The following NUBPL variants were observed in gnomAD, a reference collection of about 807,000 sequenced individuals.
NUBPL encodes the protein NUBP iron-sulfur cluster assembly factor, mitochondrial, also known as iron-sulfur cluster transfer protein NUBPL.
NUBPL carries 31 observed loss-of-function variants against 45.7 expected under a neutral mutation model. The observed-to-expected ratio is 0.68, with a 90% CI of 0.51 to 0.92. The LOEUF (loss-of-function observed/expected upper bound fraction) is 0.92, where lower values mean the gene tolerates loss of function less well. NUBPL is among the 40% of genes least tolerant of loss of function. NUBPL has a pLI of 0.00. For synonymous variants in NUBPL, 144 were observed against 140.9 expected, an observed-to-expected ratio of 1.02 and a Z score of -0.15; for missense variants, 401 against 398.7, an observed-to-expected ratio of 1.01 and a Z score of -0.05.
chr14:31,767,128 T>C (rs1227333071), intron 6 of NUBPL, among the ~76,000 whole-genome samples: 9 of 152,222 alleles, frequency 5.9e-5, no homozygotes, highest in Non-Finnish European at 1.0e-4. Flanking sequence ...GAGCTCTTTT[T>C]AAAAAATCCA....
In NUBPL at chr14:31,826,608, AT is replaced by A. The variant is rs1255181165; in HGVS notation, c.608-17del. ...CCATAGAGAATTAAAAGATAATAGT[AT>A]TTTGTTTATCTTTGGCTAGGTGCTG... On this transcript the variant is annotated intron_variant, in intron 7 of 10. Transcript: ENST00000281081. The A allele has an allele frequency of 1.2e-6, 2 of 1,606,100 alleles. No homozygotes were observed. The highest frequency in any genetic ancestry group is 1.7e-6 in the Non-Finnish European group (2 of 1,172,866).
intron 3 of NUBPL, among the ~76,000 whole-genome samples, chr14:31,581,205 T>C (rs1013491817): frequency 1.4e-5 from 2 of 138,466 alleles, no homozygotes; most frequent in Admixed American, 1.4e-4. Context: ...GATGGTTCTT[T>C]TTTTTTTTTT....
intron 6 of NUBPL, among the ~76,000 whole-genome samples, chr14:31,675,136 C>CAA (rs373044954): frequency 3.8e-4 from 42 of 111,892 alleles, no homozygotes; most frequent in African/African-American, 9.9e-4. Flanking sequence ...GACTCCGTCT[C>CAA]AAAAAAAAAA....
chr14:31,638,627 T>C (rs2035582022), intron 4 of NUBPL, among the ~76,000 whole-genome samples: 1 of 152,190 alleles, frequency 6.6e-6, no homozygotes, highest in Non-Finnish European at 1.5e-5. Context: ...TGAATGTGAA[T>C]GTTGGCCTGC....
At chr14:31,792,788 T>C (rs189066610) in intron 7 of NUBPL, among the ~76,000 whole-genome samples, 6 of 152,300 alleles carry the variant, frequency 3.9e-5, no homozygotes, top group African/African-American at 1.4e-4. Flanking sequence ...TCTATGTGTG[T>C]GTTAAAGCCT....
chr14:31,718,280 G>A (rs1421689789), intron 6 of NUBPL, among the ~76,000 whole-genome samples: 1 of 152,116 alleles, frequency 6.6e-6, no homozygotes, highest in Non-Finnish European at 1.5e-5. Context: ...TAGACTTGGG[G>A]CTGTTTACAA....
At chr14:31,699,272 T>C (rs1279639008) in intron 6 of NUBPL, among the ~76,000 whole-genome samples, 4 of 152,362 alleles carry the variant, frequency 2.6e-5, no homozygotes, top group Non-Finnish European at 5.9e-5. Context: ...CTAAATGTGG[T>C]GTATTAATTA....
At chr14:31,580,511 A>AG (rs1224668974) in intron 3 of NUBPL, among the ~76,000 whole-genome samples, 1 of 152,146 alleles carries the variant, frequency 6.6e-6, no homozygotes, top group Non-Finnish European at 1.5e-5. Flanking sequence ...CCAGCTACTC[A>AG]GAAGGCTGAG....
chr14:31,617,397 A>G (rs2034934472), intron 4 of NUBPL, among the ~76,000 whole-genome samples: 1 of 152,138 alleles, frequency 6.6e-6, no homozygotes. Flanking sequence ...ATTCAGTATG[A>G]TATTGGCTGT....
chr14:31,640,346 G>A (rs8006201), intron 4 of NUBPL, among the ~76,000 whole-genome samples: 8,285 of 152,088 alleles, frequency 0.054, 650 homozygotes, highest in African/African-American at 0.18. Flanking sequence ...TGGCTCACGC[G>A]CCCAGCACTT....
intron 3 of NUBPL, among the ~76,000 whole-genome samples, chr14:31,596,903 A>C (rs80248949): frequency 0.038 from 5,768 of 152,308 alleles, 141 homozygotes; most frequent in Admixed American, 0.063. Context: ...GAAGGAATTC[A>C]AAAAATGGGG....
intron 4 of NUBPL, among the ~76,000 whole-genome samples, chr14:31,633,078 T>C (rs2083249649): frequency 1.3e-5 from 2 of 152,224 alleles, no homozygotes; most frequent in South Asian, 2.1e-4. Flanking sequence ...CTGGGTGATA[T>C]CTGGTAATTA....
chr14:31,714,944 C>G (rs540205909), intron 6 of NUBPL: 1 of 152,346 alleles, frequency 6.6e-6, no homozygotes, highest in South Asian at 2.1e-4. Flanking sequence ...TGCCTTGACT[C>G]TATGACTTCC....
chr14:31,811,597 G>A (rs1595665165), intron 7 of NUBPL, among the ~76,000 whole-genome samples: 1 of 152,128 alleles, frequency 6.6e-6, no homozygotes, highest in African/African-American at 2.4e-5. Context: ...TGTTATTACT[G>A]ACTTTCTGAA....
At chr14:31,738,766 C>T (rs1030019244) in intron 6 of NUBPL, among the ~76,000 whole-genome samples, 3 of 152,004 alleles carry the variant, frequency 2.0e-5, no homozygotes, top group South Asian at 2.1e-4. Flanking sequence ...TTTTCTGTTT[C>T]CTTAGAGTTC....
intron 4 of NUBPL, among the ~76,000 whole-genome samples, chr14:31,644,723 C>T (rs1358932629): frequency 1.3e-5 from 2 of 151,950 alleles, no homozygotes; most frequent in Non-Finnish European, 2.9e-5. Flanking sequence ...TCTAGATGAT[C>T]CATCCTTTAC....
intron 6 of NUBPL, among the ~76,000 whole-genome samples, chr14:31,674,590 CT>C (rs2036648413): frequency 6.6e-6 from 1 of 152,128 alleles, no homozygotes; most frequent in Admixed American, 6.5e-5. Flanking sequence ...TGACCTTGAC[CT>C]TTATTTGTCT....
intron 4 of NUBPL, among the ~76,000 whole-genome samples, chr14:31,643,564 A>G (rs1414392063): frequency 1.3e-5 from 2 of 152,034 alleles, no homozygotes; most frequent in Non-Finnish European, 2.9e-5. Flanking sequence ...TATTTTGTTG[A>G]GGATTTTTGC....
At chr14:31,650,676 C>T (rs938598100) in intron 4 of NUBPL, among the ~76,000 whole-genome samples, 2 of 152,158 alleles carry the variant, frequency 1.3e-5, no homozygotes, top group East Asian at 1.9e-4. Context: ...ATTAAAATGC[C>T]TGTGTTTAAA....
Sources: allele counts gnomAD v4.1 joint callset (sites outside exome capture counted in the v4.1 genomes callset), GRCh38; gene constraint gnomAD v4.1.1; transcripts MANE v1.5; gene names NCBI Gene and HGNC (gene_info 2026-07-23, HGNC 2026-07-21).